Variants in C1orf146 observed in about 807,000 individuals in gnomAD.
C1orf146 encodes the protein chromosome 1 open reading frame 146.
A neutral mutation model predicts 23.0 loss-of-function variants in C1orf146; 22 were observed. The ratio of observed to expected loss-of-function variants is 0.96; its 90% CI spans 0.68 to 1.36. C1orf146 has a LOEUF of 1.36. Ranked by LOEUF, C1orf146 falls within the 40% of genes most tolerant of loss-of-function variation. The pLI is 0.00. For missense variants in C1orf146, 199 were observed against 206.8 expected (o/e 0.96, Z 0.23); for synonymous variants, 59 against 65.3 (o/e 0.90, Z 0.47).
chr1:92,226,187 C>T (rs986469980), intron 1 of C1orf146, among the ~76,000 whole-genome samples: 5 of 152,050 alleles, frequency 3.3e-5, no homozygotes, highest in Non-Finnish European at 7.4e-5. Flanking sequence ...TCTTTACTAC[C>T]TCTTTCGTGT....
chr1:92,242,930 C>T lies in C1orf146; in HGVS notation c.160+625C>T, dbSNP rs1408791940. Among the ~76,000 whole-genome samples the T allele has an allele frequency of 2.0e-5, 3 of 152,294 alleles. No homozygotes were observed. The South Asian group carries it at 6.2e-4, about 32-fold the overall frequency. ...TCTGGAGGGTTGCAAATAGACTCTT[C>T]TAGCAGTTTTGGAAGACAAGCACAT... On this transcript the variant is annotated intron_variant, in intron 3 of 5. Transcript: ENST00000370375.
chr1:92,229,512 T>C (rs972374866), intron 1 of C1orf146: 21 of 428,340 alleles, frequency 4.9e-5, no homozygotes, highest in Non-Finnish European at 7.3e-5. Context: ...ATTCTGGACC[T>C]GATCCGGAAG....
At chr1:92,220,581 A>G (rs974008224) in intron 1 of C1orf146, among the ~76,000 whole-genome samples, 2 of 152,238 alleles carry the variant, frequency 1.3e-5, no homozygotes, top group Non-Finnish European at 2.9e-5. Context: ...ATGTAAAAAA[A>G]GTAAAAATAC....
At chr1:92,245,401 T>C (rs1570802200) in intron 5 of C1orf146, 139 bp from the exon 6 acceptor site, 1 of 633,884 alleles carries the variant, frequency 1.6e-6, no homozygotes, top group East Asian at 3.3e-5. Flanking sequence ...TTGACTACTC[T>C]AGTAACTCAT....
Position 92,231,410 on chromosome 1 carries a change from T to TCCA in C1orf146, c.-9_-7dup. 6.2e-7 allele frequency: 1 copy of TCCA among 1,600,660 alleles called. No homozygotes were observed. On this transcript the variant is annotated 5_prime_UTR_variant, in exon 2 of 6. Coordinates refer to ENST00000370375, the MANE Select transcript of C1orf146 (RefSeq NM_001012425.2). The stretch of plus-strand genomic sequence containing the variant: ...GTTGCACCATTAGAAGCTAGGTTGA[T>TCCA]CCACAGACAGATGGCTGAAAGTGGA...
chr1:92,230,456 C>CA (rs1052372728), intron 1 of C1orf146, among the ~76,000 whole-genome samples: 52 of 151,516 alleles, frequency 3.4e-4, no homozygotes, highest in Middle Eastern at 3.4e-3. Context: ...ACTAAAAATA[C>CA]AAAAAAAAGA....
intron 2 of C1orf146, among the ~76,000 whole-genome samples, chr1:92,237,179 G>A (rs1024198092): frequency 6.6e-6 from 1 of 152,170 alleles, no homozygotes; most frequent in African/African-American, 2.4e-5. Context: ...GAGGAGAGGT[G>A]CTCTGCTTTT....
intron 1 of C1orf146, chr1:92,229,010 T>C (rs1418932199): frequency 2.1e-6 from 1 of 467,490 alleles, no homozygotes; most frequent in Non-Finnish European, 4.2e-6. Context: ...GCTCACAGTC[T>C]ATTTAGAAGC....
chr1:92,222,906 T>TA (rs1256345732), intron 1 of C1orf146, among the ~76,000 whole-genome samples: 2 of 152,078 alleles, frequency 1.3e-5, no homozygotes, highest in African/African-American at 2.4e-5. Flanking sequence ...ATTTCTTATA[T>TA]AAAATAAACT....
intron 2 of C1orf146, among the ~76,000 whole-genome samples, chr1:92,236,666 A>T (rs978410243): frequency 2.6e-5 from 4 of 152,068 alleles, no homozygotes; most frequent in Non-Finnish European, 4.4e-5. Context: ...GCCTTGCTAG[A>T]TTGGGGAAGT....
In C1orf146 at chr1:92,242,594, CTTACA is replaced by C. The variant is rs772536458; in HGVS notation, c.160+293_160+297del. Reference sequence around the variant, plus strand: ...AAAGCCACTTTCCCAACAATCTATACTTACATTAAAGTATTACTTGCATTAACAGA... The same window carrying C: ...AAAGCCACTTTCCCAACAATCTATACTTAAAGTATTACTTGCATTAACAGA... On this transcript the variant is annotated intron_variant, in intron 3 of 5. Coordinates refer to ENST00000370375, the MANE Select transcript of C1orf146 (RefSeq NM_001012425.2). 7.2e-5 allele frequency among the ~76,000 whole-genome samples: 11 copies of C among 152,298 alleles called. No individual in the cohort carries two copies. In the East Asian group the frequency reaches 7.7e-4, roughly 11 times the overall value.
intron 2 of C1orf146, among the ~76,000 whole-genome samples, chr1:92,239,592 A>T (rs890222296): frequency 6.6e-6 from 1 of 152,040 alleles, no homozygotes; most frequent in Non-Finnish European, 1.5e-5. Context: ...TCTCTACCAA[A>T]AATACAAAAA....
chr1:92,234,181 C>G (rs1392035213), intron 2 of C1orf146, among the ~76,000 whole-genome samples: 4 of 152,168 alleles, frequency 2.6e-5, no homozygotes, highest in Non-Finnish European at 5.9e-5. Flanking sequence ...GCATCCCTGT[C>G]TTGTGCCAGT....
chr1:92,245,810 A>T lies in C1orf146; in HGVS notation c.*136A>T. ...ATACAATTAAAAGTGATTTTATTTT[A>T]GGAGTTTCGCTGCAAGATTTAACGC... On this transcript the variant is annotated 3_prime_UTR_variant, in exon 6 of 6. Coordinates refer to ENST00000370375, the MANE Select transcript of C1orf146 (RefSeq NM_001012425.2). 1.7e-6 allele frequency: 1 copy of T among 586,284 alleles called. No homozygotes were observed. The allele number at this position is 586,284 out of a possible 1,614,324, so 36.3% of individuals were successfully genotyped here.
chr1:92,220,007 A>T (rs536456348), intron 1 of C1orf146, among the ~76,000 whole-genome samples: 3 of 152,264 alleles, frequency 2.0e-5, no homozygotes, highest in African/African-American at 7.2e-5. Context: ...AGCTTTAGCC[A>T]TTGGGAGCTC....
At chr1:92,222,008 A>G (rs1323556377) in intron 1 of C1orf146, among the ~76,000 whole-genome samples, 1 of 152,162 alleles carries the variant, frequency 6.6e-6, no homozygotes, top group Non-Finnish European at 1.5e-5. Context: ...TTGGGAGTCT[A>G]AGGTGGGCAG....
chr1:92,221,347 G>A (rs1158245173), intron 1 of C1orf146, among the ~76,000 whole-genome samples: 1 of 151,900 alleles, frequency 6.6e-6, no homozygotes, highest in African/African-American at 2.4e-5. Flanking sequence ...GAGGGAGGAA[G>A]GAGGATAAGG....
chr1:92,231,619 A>C (rs1652122356), intron 2 of C1orf146, 133 bp downstream of exon 2: 1 of 511,542 alleles, frequency 2.0e-6, no homozygotes, highest in East Asian at 3.2e-5. Context: ...TACATAAGCT[A>C]AATGTATTTT....
At chr1:92,242,416 A>C in intron 3 of C1orf146, 111 bp downstream of exon 3, 1 of 502,050 alleles carries the variant, frequency 2.0e-6, no homozygotes, top group Non-Finnish European at 3.3e-6. Context: ...GGGAAGGGTA[A>C]ATGTGTAAAA....
Sources: allele counts gnomAD v4.1 joint callset (sites outside exome capture counted in the v4.1 genomes callset), GRCh38; gene constraint gnomAD v4.1.1; transcripts MANE v1.5; gene names NCBI Gene and HGNC (gene_info 2026-07-23, HGNC 2026-07-21).